IPPK: variants seen among roughly 807,000 people sequenced by gnomAD.
The protein encoded by IPPK is inositol-pentakisphosphate 2-kinase, also known as IPK1 homolog.
Under a neutral mutation model 64.6 loss-of-function variants are expected in IPPK, and 22 were observed. That is an observed-to-expected ratio of 0.34 (90% CI 0.24 to 0.49). The LOEUF (loss-of-function observed/expected upper bound fraction) is 0.49, where lower values mean the gene tolerates loss of function less well. Among genes scored for constraint, IPPK ranks in the 20% least tolerant of loss-of-function variants. The probability of loss-of-function intolerance (pLI) is 0.99; values close to 1 mark genes in which losing one functional copy is unlikely to be tolerated. For synonymous variants in IPPK, 262 were observed against 247.2 expected (o/e 1.06, Z -0.56); for missense variants, 532 against 630.7 (o/e 0.84, Z 1.68).
intron 2 of IPPK, 115 bp downstream of exon 2, chr9:92,658,519 T>G: frequency 1.1e-6 from 1 of 889,728 alleles, no homozygotes; most frequent in South Asian, 1.4e-5. Context: ...CTGCACTGAA[T>G]GCTTGTATCA....
At chr9:92,636,060 CCT>C (rs1851937318) in intron 9 of IPPK, among the ~76,000 whole-genome samples, 1 of 152,172 alleles carries the variant, frequency 6.6e-6, no homozygotes, top group African/African-American at 2.4e-5. Flanking sequence ...TTGTTTGGCA[CCT>C]GTGCTGTACA....
chr9:92,645,958 T>C (rs1852142771), intron 6 of IPPK, among the ~76,000 whole-genome samples: 1 of 151,520 alleles, frequency 6.6e-6, no homozygotes, highest in South Asian at 2.1e-4. Flanking sequence ...CATAGGCAAA[T>C]ATAAAAGAAG....
intron 7 of IPPK, 77 bp downstream of exon 7, chr9:92,642,675 C>T (rs1852074812): frequency 1.6e-6 from 2 of 1,266,898 alleles, no homozygotes; most frequent in South Asian, 1.2e-5. Context: ...GAAATACCCC[C>T]CACCAGGCAC....
At chr9:92,668,854 G>A (rs184602434) in intron 1 of IPPK, among the ~76,000 whole-genome samples, 14 of 152,316 alleles carry the variant, frequency 9.2e-5, no homozygotes, top group African/African-American at 3.4e-4. Flanking sequence ...TTACACTACA[G>A]CTGACCAATG....
intron 11 of IPPK, among the ~76,000 whole-genome samples, chr9:92,627,507 C>T (rs1270344359): frequency 6.6e-6 from 1 of 152,186 alleles, no homozygotes; most frequent in Non-Finnish European, 1.5e-5. Flanking sequence ...GACGCCATGA[C>T]CAAGTGGGAT....
intron 2 of IPPK, 58 bp downstream of exon 2, chr9:92,658,576 A>C (rs574146380): frequency 7.0e-7 from 1 of 1,421,596 alleles, no homozygotes; most frequent in African/African-American, 1.4e-5. Context: ...TCGGAAAAAA[A>C]AATCAGAGTT....
At chr9:92,669,608 G>A (rs1852681979) in intron 1 of IPPK, among the ~76,000 whole-genome samples, 1 of 152,206 alleles carries the variant, frequency 6.6e-6, no homozygotes, top group Non-Finnish European at 1.5e-5. Context: ...GGGGCGGGGA[G>A]GGGGATGTGG....
chr9:92,621,505 T>A (rs939144488), intron 11 of IPPK, among the ~76,000 whole-genome samples: 2 of 137,106 alleles, frequency 1.5e-5, no homozygotes, highest in Admixed American at 1.4e-4. Context: ...ATAATACCAT[T>A]CCTTTTTTTT....
chr9:92,663,035 G>A (rs1212733143), intron 1 of IPPK, among the ~76,000 whole-genome samples: 5 of 152,150 alleles, frequency 3.3e-5, no homozygotes, highest in Admixed American at 1.3e-4. Flanking sequence ...GAACACGTGA[G>A]CACCCTTCAA....
chr9:92,648,286 C>T, intron 5 of IPPK, 138 bp from the exon 6 acceptor site: 4 of 661,148 alleles, frequency 6.1e-6, no homozygotes, highest in Non-Finnish European at 1.0e-5. Context: ...TTTTCATTTG[C>T]ACCTCCCAGC....
chr9:92,659,545 C>T (rs145351401), intron 1 of IPPK, among the ~76,000 whole-genome samples: 4 of 152,156 alleles, frequency 2.6e-5, no homozygotes, highest in African/African-American at 9.6e-5. Flanking sequence ...ATTCTAAGAA[C>T]GTACATTATA....
At chr9:92,669,603 G>A (rs944116651) in intron 1 of IPPK, among the ~76,000 whole-genome samples, 1 of 152,202 alleles carries the variant, frequency 6.6e-6, no homozygotes, top group Non-Finnish European at 1.5e-5. Context: ...CCGACGGGGC[G>A]GGGAGGGGGA....
chr9:92,661,161 T>G (rs1182527075), intron 1 of IPPK, among the ~76,000 whole-genome samples: 1 of 151,996 alleles, frequency 6.6e-6, no homozygotes, highest in Admixed American at 6.5e-5. Flanking sequence ...GGCAACTGAG[T>G]CCCAGTTTAC....
chr9:92,652,306 G>A (rs555511508), intron 4 of IPPK, among the ~76,000 whole-genome samples: 11 of 152,066 alleles, frequency 7.2e-5, no homozygotes, highest in African/African-American at 2.2e-4. Context: ...AAAAGTAGCC[G>A]AGCATGGTGG....
At chr9:92,643,590 T>G (rs529319627) in intron 6 of IPPK, among the ~76,000 whole-genome samples, 76 of 136,390 alleles carry the variant, frequency 5.6e-4, no homozygotes, top group African/African-American at 1.9e-3. Context: ...TCAATTTTGC[T>G]TAAAAAAAAA....
At chr9:92,616,350 C>T (rs368417377) in intron 12 of IPPK, 4 of 315,496 alleles carry the variant, frequency 1.3e-5, no homozygotes, top group East Asian at 6.6e-5. Flanking sequence ...CCATACCAGG[C>T]GAGAGAGGGT....
intron 7 of IPPK, 148 bp downstream of exon 7, chr9:92,642,604 C>T (rs978479809): frequency 1.2e-5 from 8 of 658,188 alleles, no homozygotes; most frequent in African/African-American, 9.0e-5. Flanking sequence ...GTGTCTACAG[C>T]GCTGATGGCA....
chr9:92,630,908 TAC>T (rs1851827867), intron 11 of IPPK, among the ~76,000 whole-genome samples: 1 of 152,068 alleles, frequency 6.6e-6, no homozygotes, highest in Non-Finnish European at 1.5e-5. Flanking sequence ...TAAGTAAAAG[TAC>T]ACAGAGGTCA....
chr9:92,617,097 C>T (rs1851465544), intron 12 of IPPK: 1 of 152,188 alleles, frequency 6.6e-6, no homozygotes, highest in Non-Finnish European at 1.5e-5. Context: ...TAACTATTCT[C>T]ATCTGAAGAG....
Sources: gnomAD v4.1 joint callset for allele counts (sites outside exome capture counted in the v4.1 genomes callset) on GRCh38, gnomAD v4.1.1 for gene constraint, MANE v1.5 for transcripts, NCBI Gene and HGNC (gene_info 2026-07-23, HGNC 2026-07-21) for gene names.